Variants in BIRC6 observed in about 807,000 individuals in gnomAD.
BIRC6 encodes the protein baculoviral IAP repeat containing 6.
A neutral mutation model predicts 503.3 loss-of-function variants in BIRC6; 98 were observed. That is an observed-to-expected ratio of 0.19 (90% CI 0.17 to 0.23). BIRC6 has a LOEUF of 0.23. Among genes scored for constraint, BIRC6 ranks in the 10% least tolerant of loss-of-function variants. The pLI, the probability that BIRC6 is intolerant of heterozygous loss-of-function variation, is 1.00. For missense variants in BIRC6, 5,360 were observed against 5,806.0 expected (o/e 0.92, Z 2.50); for synonymous variants, 2,240 against 2,078.7 (o/e 1.08, Z -2.11).
At chr2:32,387,018 A>T (rs2038570249) in intron 3 of BIRC6, among the ~76,000 whole-genome samples, 1 of 152,202 alleles carries the variant, frequency 6.6e-6, no homozygotes, top group Admixed American at 6.5e-5. Flanking sequence ...AACTTTATTA[A>T]TCGCTTGACC....
intron 61 of BIRC6, among the ~76,000 whole-genome samples, chr2:32,534,824 G>C (rs2057086209): frequency 2.0e-5 from 3 of 150,312 alleles, no homozygotes; most frequent in Non-Finnish European, 4.4e-5. Context: ...ATGGACTGAA[G>C]TGAAAAATTC....
rs746854387 is a variant in BIRC6 at position 32,493,564 on chromosome 2, A to G, written c.8365A>G (p.Met2789Val). Residue 2789 changes from methionine (M) to valine (V), a missense_variant, in exon 45 of 74, where the codon ATG becomes GTG. Met to Val is a conservative substitution (Grantham distance 21, BLOSUM62 1). Coordinates refer to ENST00000421745, the MANE Select transcript of BIRC6 (RefSeq NM_016252.4). ...PQVGPTATQA[M>V]QEFLTRLQVH... ...GGTTGGTCCTACAGCTACACAAGCT[A>G]TGCAAGAATTTCTTACTCGATTACA... 29 of 1,610,788 alleles carry G rather than the reference A, an allele frequency of 1.8e-5. No homozygotes were observed. The highest frequency in any genetic ancestry group is 6.6e-5 in the South Asian group (6 of 90,878).
intron 45 of BIRC6, among the ~76,000 whole-genome samples, chr2:32,497,573 G>A (rs2052622408): frequency 6.6e-6 from 1 of 152,118 alleles, no homozygotes; most frequent in African/African-American, 2.4e-5. Flanking sequence ...TCTTGATTGA[G>A]CTTTGGTAAT....
chr2:32,417,270 C>G (rs2150048824), intron 10 of BIRC6, among the ~76,000 whole-genome samples: 1 of 152,250 alleles, frequency 6.6e-6, no homozygotes, highest in South Asian at 2.1e-4. Flanking sequence ...GCTGGGACTA[C>G]AGTGCATAGC....
chr2:32,594,819 A>T (rs893031541), intron 67 of BIRC6, among the ~76,000 whole-genome samples: 1 of 152,094 alleles, frequency 6.6e-6, no homozygotes, highest in Admixed American at 6.6e-5. Flanking sequence ...AAAGATGATT[A>T]TGTTTTTGCT....
intron 73 of BIRC6, among the ~76,000 whole-genome samples, chr2:32,615,900 TG>T (rs1037139649): frequency 3.1e-4 from 47 of 152,166 alleles, no homozygotes; most frequent in African/African-American, 1.1e-3. Context: ...CCGAAAGTGC[TG>T]GGATTACAGG....
At chr2:32,366,193 CT>C (rs1445914335) in intron 1 of BIRC6, among the ~76,000 whole-genome samples, 8 of 152,316 alleles carry the variant, frequency 5.3e-5, no homozygotes, top group Admixed American at 4.6e-4. Context: ...TATTAGACCT[CT>C]TTTACCTATG....
intron 39 of BIRC6, among the ~76,000 whole-genome samples, chr2:32,484,004 C>G (rs745389915): frequency 2.0e-5 from 3 of 152,128 alleles, no homozygotes; most frequent in Non-Finnish European, 4.4e-5. Flanking sequence ...CTCTGTCACT[C>G]AGGCTGGAGT....
At chr2:32,388,342 A>G (rs1319045472) in intron 3 of BIRC6, among the ~76,000 whole-genome samples, 2 of 150,554 alleles carry the variant, frequency 1.3e-5, no homozygotes, top group Non-Finnish European at 2.9e-5. Flanking sequence ...AGATTGCACC[A>G]CTGCATTCCA....
At chr2:32,617,216 A>G (rs2063302999) in intron 73 of BIRC6, among the ~76,000 whole-genome samples, 1 of 152,230 alleles carries the variant, frequency 6.6e-6, no homozygotes, top group South Asian at 2.1e-4. Context: ...CCTGGCCAAC[A>G]TAGTGAAACC....
chr2:32,480,424 A>T (rs1452833492), intron 37 of BIRC6, among the ~76,000 whole-genome samples: 1 of 151,990 alleles, frequency 6.6e-6, no homozygotes, highest in African/African-American at 2.4e-5. Context: ...ATCTTCATGT[A>T]CTTATACTCA....
chr2:32,411,769 G>A (rs989589405), intron 9 of BIRC6, among the ~76,000 whole-genome samples: 1 of 151,978 alleles, frequency 6.6e-6, no homozygotes, highest in Admixed American at 6.6e-5. Context: ...GTGGGCCACC[G>A]CGTCTGGCCT....
At position 32,407,889 on chromosome 2, in the gene BIRC6, A is replaced by G. The variant is rs559984212; in HGVS notation, c.1477+1332A>G. Among the ~76,000 whole-genome samples, 5 of 152,246 alleles carry G rather than the reference A, an allele frequency of 3.3e-5. No homozygotes were observed. The East Asian group carries it at 7.7e-4, about 24-fold the overall frequency. Reference sequence around the variant, plus strand: ...TTTTCTTTTAAAAAAACATAGACTGAGGAAGCTAATGCTCTTTTCCTATTT... The same window carrying G: ...TTTTCTTTTAAAAAAACATAGACTGGGGAAGCTAATGCTCTTTTCCTATTT... On this transcript the variant is annotated intron_variant, in intron 9 of 73. Coordinates refer to ENST00000421745, the MANE Select transcript of BIRC6 (RefSeq NM_016252.4).
chr2:32,458,565 A>G (rs1468800635), intron 23 of BIRC6, among the ~76,000 whole-genome samples: 1 of 151,536 alleles, frequency 6.6e-6, no homozygotes, highest in East Asian at 1.9e-4. Flanking sequence ...TTATGGGAAA[A>G]CTACTCTGCT....
At position 32,436,130 on chromosome 2, in the gene BIRC6, G is replaced by C; in HGVS notation, c.3577G>C (p.Asp1193His). ...GCCAGTATGGCTTGCTAGTGGCCTT[G>C]ATCTATCAGGGCATGCTGGAATGTT... Reference protein sequence around the residue: ...CGPVWLASGLDLSGHAGMLTL... With the variant: ...CGPVWLASGLHLSGHAGMLTL... The change falls in exon 15 of 74, where the codon GAT becomes CAT. Residue 1193 changes from aspartate (D) to histidine (H), a missense_variant. Around this residue, in one of 16 missense-constraint regions of BIRC6, gnomAD observed 2,299 missense variants for 2,267.2 expected, o/e 1.01. Coordinates refer to ENST00000421745, the MANE Select transcript of BIRC6 (RefSeq NM_016252.4). 6.7e-7 allele frequency: 1 copy of C among 1,497,896 alleles called. No homozygotes were observed. The allele number at this position is 1,497,896 out of a possible 1,614,324, so 92.8% of individuals were successfully genotyped here.
At chr2:32,524,236 A>G (rs2056050293) in intron 57 of BIRC6, among the ~76,000 whole-genome samples, 1 of 152,226 alleles carries the variant, frequency 6.6e-6, no homozygotes, top group South Asian at 2.1e-4. Context: ...AGTAATAACT[A>G]TCTATGAGAG....
At chr2:32,380,560 C>T (rs969507000) in intron 3 of BIRC6, among the ~76,000 whole-genome samples, 19 of 152,166 alleles carry the variant, frequency 1.2e-4, no homozygotes, top group Admixed American at 1.0e-3. Flanking sequence ...AACCCCATCT[C>T]TATTAAAAAT....
At chr2:32,408,585 T>G (rs900567434) in intron 9 of BIRC6, among the ~76,000 whole-genome samples, 2 of 152,230 alleles carry the variant, frequency 1.3e-5, no homozygotes, top group Non-Finnish European at 2.9e-5. Flanking sequence ...AGGATCTCAG[T>G]ACATGTTTTT....
chr2:32,435,579 T>G lies in BIRC6; in HGVS notation c.3493T>G (p.Ser1165Ala), dbSNP rs1164019836. 6.4e-7 allele frequency: 1 copy of G among 1,552,580 alleles called. No individual in the cohort carries two copies. The highest frequency in any genetic ancestry group is 8.7e-7 in the Non-Finnish European group (1 of 1,147,410). ...AATGCAGCACATGGATGTAGAGGAA[T>G]CACAGTGTGAGTTAAATTATAGAGC... ...EEMQHMDVEESQCLRLCPFLE... is the reference protein window; with the variant it reads ...EEMQHMDVEEAQCLRLCPFLE... The change falls in exon 14 of 74, where the codon TCA (serine) becomes GCA (alanine). Residue 1165 changes from serine to alanine, a missense_variant. By Grantham distance (99) the Ser-to-Ala change is moderately conservative. Transcript: ENST00000421745.
Sources: gnomAD v4.1 joint callset for allele counts (sites outside exome capture counted in the v4.1 genomes callset) on GRCh38, gnomAD v4.1.1 for gene constraint, gnomAD v4.1.1 regional missense constraint, MANE v1.5 for transcripts, NCBI Gene and HGNC (gene_info 2026-07-23, HGNC 2026-07-21) for gene names.